Variants in DLG2 observed in about 807,000 individuals in gnomAD.
DLG2 encodes disks large homolog 2.
DLG2 carries 45 observed loss-of-function variants against 132.5 expected under a neutral mutation model. The observed-to-expected ratio is 0.34, with a 90% CI of 0.27 to 0.44. The LOEUF (loss-of-function observed/expected upper bound fraction) is 0.44, where lower values mean the gene tolerates loss of function less well. DLG2 is among the 20% of genes least tolerant of loss of function. DLG2 has a pLI of 1.00. For synonymous variants in DLG2, 424 were observed against 419.6 expected (o/e 1.01, Z -0.13); for missense variants, 1,045 against 1,196.9 (o/e 0.87, Z 1.87).
intron 8 of DLG2, among the ~76,000 whole-genome samples, chr11:84,240,515 C>A (rs192174737): frequency 6.6e-6 from 1 of 152,276 alleles, no homozygotes; most frequent in Admixed American, 6.5e-5. Context: ...GCCCAGACTC[C>A]ATTCTCTTTC....
intron 6 of DLG2, among the ~76,000 whole-genome samples, chr11:84,953,829 G>A (rs1439031035): frequency 6.6e-6 from 1 of 152,012 alleles, no homozygotes; most frequent in Non-Finnish European, 1.5e-5. Context: ...ATCCAATACA[G>A]CCTTATTTCT....
At chr11:84,271,949 C>CAAAAAAAAAAAAAAAAAAAAAAAAAAAA (rs71036417) in intron 7 of DLG2, among the ~76,000 whole-genome samples, 2 of 77,794 alleles carry the variant, frequency 2.6e-5, no homozygotes, top group African/African-American at 4.5e-5. Flanking sequence ...TTGATAATAA[C>CAAAAAAAAAAAAAAAAAAAAAAAAAAAA]AAAAAAAAAA....
At chr11:84,994,559 A>G (rs1427976880) in intron 6 of DLG2, among the ~76,000 whole-genome samples, 1 of 152,198 alleles carries the variant, frequency 6.6e-6, no homozygotes, top group Non-Finnish European at 1.5e-5. Flanking sequence ...ATCACACTGT[A>G]TACCACAAAT....
chr11:83,867,817 T>C (rs576508268), intron 16 of DLG2, among the ~76,000 whole-genome samples: 40 of 152,322 alleles, frequency 2.6e-4, no homozygotes, highest in African/African-American at 8.9e-4. Context: ...TAGCTCTCCA[T>C]AGTCTCAGCA....
chr11:84,326,012 T>G (rs1003625177), intron 7 of DLG2, among the ~76,000 whole-genome samples: 1 of 152,062 alleles, frequency 6.6e-6, no homozygotes, highest in East Asian at 1.9e-4. Flanking sequence ...TTCATCTAGG[T>G]TGTCTAACTT....
chr11:83,888,498 T>A (rs1430052336), intron 15 of DLG2, among the ~76,000 whole-genome samples: 1 of 152,084 alleles, frequency 6.6e-6, no homozygotes, highest in African/African-American at 2.4e-5. Context: ...GTAGGAAGAA[T>A]CAATATTGTG....
intron 3 of DLG2, among the ~76,000 whole-genome samples, chr11:85,445,763 G>T (rs1265484913): frequency 6.6e-6 from 1 of 152,136 alleles, no homozygotes; most frequent in Non-Finnish European, 1.5e-5. Context: ...GTGGTATAGA[G>T]TTTTAATTTT....
At chr11:84,729,436 C>T (rs1041900572) in intron 6 of DLG2, among the ~76,000 whole-genome samples, 23 of 151,864 alleles carry the variant, frequency 1.5e-4, no homozygotes, top group African/African-American at 5.6e-4. Context: ...CACTGTGGTC[C>T]GAGAGACTGT....
At chr11:84,506,005 A>C (rs1158306115) in intron 7 of DLG2, among the ~76,000 whole-genome samples, 2 of 151,880 alleles carry the variant, frequency 1.3e-5, no homozygotes, top group Non-Finnish European at 2.9e-5. Context: ...GATGTGATTA[A>C]ATTAAGGACC....
At chr11:83,655,744 C>T (rs947315770) in intron 18 of DLG2, among the ~76,000 whole-genome samples, 2 of 152,184 alleles carry the variant, frequency 1.3e-5, no homozygotes, top group African/African-American at 2.4e-5. Context: ...CACCCATATA[C>T]CCTGGCCTAC....
rs180810806 is a variant in DLG2 at position 84,206,131 on chromosome 11, C to T, written c.574-42620G>A. 3.1e-3 allele frequency among the ~76,000 whole-genome samples: 471 copies of T among 152,062 alleles called. 5 individuals are homozygous for T. The highest frequency in any genetic ancestry group is 0.029 in the Admixed American group (447 of 15,274). ...AGTTGCAGTTTCTTTGGCATAGAAA[C>T]TCTTTTCAATGGACACAAACTACCA... is the stretch of plus-strand genomic sequence containing the variant. On this transcript the variant is annotated intron_variant, in intron 8 of 27. Transcript: ENST00000376104.
Position 85,150,526 on chromosome 11 carries a change from G to C in DLG2, c.282+4030C>G, listed in dbSNP as rs368442486. Reference sequence around the variant, plus strand: ...CCCTCCCTCATCTCTCCAGCCCTAGGCAACTACCTCTCTACTTTGTTTTTA... The same window carrying C: ...CCCTCCCTCATCTCTCCAGCCCTAGCCAACTACCTCTCTACTTTGTTTTTA... On this transcript the variant is annotated intron_variant, in intron 5 of 27. Transcript: ENST00000376104. Among the ~76,000 whole-genome samples the C allele has an allele frequency of 4.5e-4, 68 of 151,988 alleles. No individual in the cohort carries two copies. In the South Asian group the frequency reaches 0.013, roughly 29 times the overall value.
chr11:84,613,798 T>G (rs1325466236), intron 6 of DLG2, among the ~76,000 whole-genome samples: 1 of 152,178 alleles, frequency 6.6e-6, no homozygotes, highest in Non-Finnish European at 1.5e-5. Flanking sequence ...AACCTTACAA[T>G]GGAGATTCCT....
chr11:85,410,351 T>G (rs1419286570), intron 3 of DLG2, among the ~76,000 whole-genome samples: 1 of 151,674 alleles, frequency 6.6e-6, no homozygotes, highest in Non-Finnish European at 1.5e-5. Flanking sequence ...GTATGAATAT[T>G]AATAAATATA....
chr11:83,664,486 A>G (rs536832035), intron 18 of DLG2, among the ~76,000 whole-genome samples: 1 of 151,710 alleles, frequency 6.6e-6, no homozygotes, highest in African/African-American at 2.4e-5. Context: ...TGAGGGGTGG[A>G]CAGGTAGAGT....
chr11:84,585,659 C>A (rs111665368), intron 6 of DLG2, among the ~76,000 whole-genome samples: 1 of 152,112 alleles, frequency 6.6e-6, no homozygotes, highest in Non-Finnish European at 1.5e-5. Context: ...GTATTTAAGT[C>A]TTCTTTGGTA....
intron 16 of DLG2, among the ~76,000 whole-genome samples, chr11:83,852,517 G>C (rs2059949123): frequency 6.6e-6 from 1 of 152,020 alleles, no homozygotes; most frequent in Admixed American, 6.6e-5. Context: ...AAAAGACAAA[G>C]GACTACCATG....
chr11:85,065,360 G>C (rs1315051950), intron 6 of DLG2, among the ~76,000 whole-genome samples: 1 of 151,254 alleles, frequency 6.6e-6, no homozygotes, highest in Non-Finnish European at 1.5e-5. Context: ...GATGGCTCCA[G>C]GTTTGGGAAT....
chr11:84,420,947 C>A (rs932085807), intron 7 of DLG2, among the ~76,000 whole-genome samples: 1 of 152,038 alleles, frequency 6.6e-6, no homozygotes, highest in Non-Finnish European at 1.5e-5. Flanking sequence ...GGATTACAGG[C>A]GTGAGCCACC....
Sources: allele counts gnomAD v4.1 joint callset (sites outside exome capture counted in the v4.1 genomes callset), GRCh38; gene constraint gnomAD v4.1.1; transcripts MANE v1.5; gene names NCBI Gene and HGNC (gene_info 2026-07-23, HGNC 2026-07-21).